The following EHMT1 variants were observed in gnomAD, a reference collection of about 807,000 sequenced individuals.
EHMT1 encodes the protein euchromatic histone lysine methyltransferase 1, also known as histone-lysine N-methyltransferase EHMT1.
A neutral mutation model predicts 147.2 loss-of-function variants in EHMT1; 15 were observed. That is an observed-to-expected ratio of 0.10 (90% CI 0.07 to 0.16). The LOEUF is 0.16. EHMT1 is among the 10% of genes least tolerant of loss of function. EHMT1 has a pLI of 1.00. For missense variants in EHMT1, 1,587 were observed against 1,772.4 expected (o/e 0.90, Z 1.88); for synonymous variants, 795 against 709.6 (o/e 1.12, Z -1.91).
Position 137,787,678 on chromosome 9 carries a change from C to T in EHMT1, c.2383-3170C>T, listed in dbSNP as rs780899792. 2.9e-5 allele frequency: 19 copies of T among 648,644 alleles called. 1 individual carries two copies. The highest frequency in any genetic ancestry group is 7.5e-5 in the Admixed American group (3 of 40,110). 40.2% of individuals were successfully genotyped at this position (648,644 alleles called of 1,614,324 possible). On this transcript the variant is annotated intron_variant, in intron 15 of 26. Coordinates refer to ENST00000460843, the MANE Select transcript of EHMT1 (RefSeq NM_024757.5). This position sits in a 1 kb window ranked among gnomAD's most constrained non-coding sequence, Gnocchi z 4.2. ...GTCTTAAGAGCCTCACAGGCTGCACCGGGAGAGCAGCCCGCCTGGGCCAGG... is the reference window on the plus strand; with the variant it reads ...GTCTTAAGAGCCTCACAGGCTGCACTGGGAGAGCAGCCCGCCTGGGCCAGG...
intron 15 of EHMT1, among the ~76,000 whole-genome samples, chr9:137,789,819 T>C (rs997128058): frequency 2.0e-5 from 3 of 152,252 alleles, no homozygotes; most frequent in African/African-American, 7.2e-5. Context: ...AACCTCTGCC[T>C]CCCAGGTTCA....
intron 16 of EHMT1, among the ~76,000 whole-genome samples, chr9:137,797,800 G>A (rs1331229362): frequency 6.6e-6 from 1 of 151,972 alleles, no homozygotes; most frequent in African/African-American, 2.4e-5. Context: ...GAAGGAACAT[G>A]GTTAAGTGGA....
At chr9:137,820,351 G>A (rs1436296471) in intron 25 of EHMT1, among the ~76,000 whole-genome samples, 1 of 152,232 alleles carries the variant, frequency 6.6e-6, no homozygotes, top group African/African-American at 2.4e-5. Flanking sequence ...TTCCAGCCTT[G>A]CTGTGGAACG....
At position 137,835,062 on chromosome 9, in the gene EHMT1, G is replaced by C. The variant is rs978791563; in HGVS notation, c.*109G>C. 13 of 1,257,668 alleles carry C rather than the reference G, an allele frequency of 1.0e-5. No individual in the cohort carries two copies. Among genetic ancestry groups the C allele is most frequent in the Admixed American group, 4.1e-5 (1 of 24,664 alleles). 77.9% of individuals were successfully genotyped at this position (1,257,668 alleles called of 1,614,324 possible). On this transcript the variant is annotated 3_prime_UTR_variant, in exon 27 of 27. Transcript: ENST00000460843. ...AACCGAAAGGGTCCTTCGGGGCTGC[G>C]CCGCCGGCTTCCTGGAGGGGTCGGA...
intron 2 of EHMT1, among the ~76,000 whole-genome samples, chr9:137,714,321 A>G (rs945763858): frequency 1.3e-5 from 2 of 152,158 alleles, no homozygotes; most frequent in East Asian, 1.9e-4. Context: ...TTTCTTAGCA[A>G]ACCATTTGCT....
chr9:137,716,867 C>T lies in EHMT1; in HGVS notation c.327C>T (p.Val109=), dbSNP rs867311907. The T allele has an allele frequency of 3.7e-6, 6 of 1,613,312 alleles. No individual in the cohort carries two copies. Among genetic ancestry groups the T allele is most frequent in the Middle Eastern group, 3.3e-4 (2 of 6,058 alleles). The change falls in exon 3 of 27, where the codon GTC becomes GTT. Residue 109 remains valine, a synonymous_variant. Transcript: ENST00000460843. The part of the protein sequence containing the change: ...RDSEAAKQNH[V]TADDFVQTSV... Reference sequence around the variant, plus strand: ...CAGAAGCGGCGAAGCAAAACCACGTCACTGCCGACGACTTTGTGCAGACTT... The same window carrying T: ...CAGAAGCGGCGAAGCAAAACCACGTTACTGCCGACGACTTTGTGCAGACTT...
At chr9:137,712,447 C>T (rs1035913400) in intron 2 of EHMT1, among the ~76,000 whole-genome samples, 2 of 152,212 alleles carry the variant, frequency 1.3e-5, no homozygotes, top group African/African-American at 2.4e-5. Flanking sequence ...TCTCCACGTC[C>T]TCGCCACCAT....
chr9:137,705,621 G>A (rs1053636148), intron 1 of EHMT1, among the ~76,000 whole-genome samples: 3 of 152,220 alleles, frequency 2.0e-5, no homozygotes, highest in Admixed American at 6.5e-5. Context: ...GTGTTTTGCC[G>A]TGCGGGCGCA....
intron 1 of EHMT1, among the ~76,000 whole-genome samples, chr9:137,662,796 AT>A (rs1176202582): frequency 5.0e-5 from 7 of 138,628 alleles, no homozygotes; most frequent in African/African-American, 1.7e-4. Context: ...TTATTTATTT[AT>A]TTATTTATTT....
At chr9:137,816,430 A>G (rs1387660697) in intron 23 of EHMT1, 1 of 350,850 alleles carries the variant, frequency 2.9e-6, no homozygotes, top group Non-Finnish European at 5.6e-6. Context: ...CATTTTCTAA[A>G]TATTCTCTGT....
chr9:137,653,616 C>T (rs1400742008), intron 1 of EHMT1, among the ~76,000 whole-genome samples: 1 of 152,044 alleles, frequency 6.6e-6, no homozygotes, highest in Non-Finnish European at 1.5e-5. Context: ...GCAACCTCTG[C>T]CTCCCAGTTT....
chr9:137,700,131 C>T (rs1943714058), intron 1 of EHMT1, among the ~76,000 whole-genome samples: 1 of 152,210 alleles, frequency 6.6e-6, no homozygotes, highest in African/African-American at 2.4e-5. Flanking sequence ...TAGCTACACA[C>T]CAGTATTTAC....
chr9:137,822,119 G>T (rs1025272625), intron 25 of EHMT1, among the ~76,000 whole-genome samples: 4 of 152,232 alleles, frequency 2.6e-5, no homozygotes, highest in African/African-American at 7.2e-5. Context: ...CATCCTGGTG[G>T]ATGAGTTCCA....
intron 3 of EHMT1, among the ~76,000 whole-genome samples, chr9:137,723,188 T>C (rs1340991737): frequency 4.1e-5 from 4 of 98,564 alleles, no homozygotes; most frequent in African/African-American, 1.2e-4. Flanking sequence ...GGGGTGTGCC[T>C]GTGTCTGTGG....
intron 12 of EHMT1, 116 bp from the exon 13 acceptor site, chr9:137,777,766 G>C (rs910646107): frequency 2.1e-6 from 3 of 1,445,576 alleles, no homozygotes; most frequent in Non-Finnish European, 2.9e-6. Flanking sequence ...GGGACTAAGC[G>C]GACAGTAAGC....
At chr9:137,650,624 A>G (rs1461712934) in intron 1 of EHMT1, among the ~76,000 whole-genome samples, 3 of 147,364 alleles carry the variant, frequency 2.0e-5, no homozygotes, top group Admixed American at 6.8e-5. Flanking sequence ...TGTTCTTTAT[A>G]TATTATAGAG....
At chr9:137,635,917 TA>T (rs928431246) in intron 1 of EHMT1, among the ~76,000 whole-genome samples, 10 of 151,940 alleles carry the variant, frequency 6.6e-5, no homozygotes, top group Admixed American at 1.3e-4. Flanking sequence ...TAAATAGAAT[TA>T]AAAAAAATTT....
intron 1 of EHMT1, among the ~76,000 whole-genome samples, chr9:137,650,585 G>T (rs1261123451): frequency 1.3e-5 from 2 of 151,162 alleles, no homozygotes; most frequent in Non-Finnish European, 2.9e-5. Context: ...ATTTTAAATT[G>T]GGTTGTCTTT....
chr9:137,826,429 C>T (rs912985743), intron 25 of EHMT1, among the ~76,000 whole-genome samples: 1 of 152,240 alleles, frequency 6.6e-6, no homozygotes, highest in African/African-American at 2.4e-5. Context: ...AGGCCGTGGC[C>T]TCTGTCACCC....
Sources: gnomAD v4.1 joint callset for allele counts (sites outside exome capture counted in the v4.1 genomes callset) on GRCh38, gnomAD v4.1.1 for gene constraint, Gnocchi (gnomAD v3.1) non-coding constraint, MANE v1.5 for transcripts, NCBI Gene and HGNC (gene_info 2026-07-23, HGNC 2026-07-21) for gene names.